Variants in LARGE1 observed in about 807,000 individuals in gnomAD.
LARGE1 encodes xylosyl- and glucuronyltransferase LARGE1.
Under a neutral mutation model 87.6 loss-of-function variants are expected in LARGE1, and 43 were observed. That is an observed-to-expected ratio of 0.49 (90% CI 0.38 to 0.63). The LOEUF is 0.63. Among genes scored for constraint, LARGE1 ranks in the 30% least tolerant of loss-of-function variants. The probability of loss-of-function intolerance (pLI) is 0.00; values close to 1 mark genes in which losing one functional copy is unlikely to be tolerated. For missense variants in LARGE1, 802 were observed against 1,000.2 expected (o/e 0.80, Z 2.67); for synonymous variants, 434 against 394.6 (o/e 1.10, Z -1.18).
intron 2 of LARGE1, among the ~76,000 whole-genome samples, chr22:33,711,245 A>T (rs1337893860): frequency 6.6e-6 from 1 of 152,146 alleles, no homozygotes; most frequent in African/African-American, 2.4e-5. Context: ...ATGTTTTGTA[A>T]CCTGCTGGAG....
At chr22:33,249,812 T>C (rs1290853858) in intron 11 of LARGE1, among the ~76,000 whole-genome samples, 2 of 152,240 alleles carry the variant, frequency 1.3e-5, no homozygotes, top group Non-Finnish European at 2.9e-5. Flanking sequence ...CTCTGTTGTA[T>C]TGTACTTGCT....
At chr22:33,074,016 C>T in the LARGE1 span, among the ~76,000 whole-genome samples, 3 of 152,174 alleles carry the variant, frequency 2.0e-5, no homozygotes, top group Non-Finnish European at 4.4e-5. Context: ...TTAAACTCAT[C>T]CGGGCTTATT....
intron 5 of LARGE1, among the ~76,000 whole-genome samples, chr22:33,575,055 G>A (rs1233318045): frequency 6.6e-6 from 1 of 152,096 alleles, no homozygotes; most frequent in East Asian, 1.9e-4. Flanking sequence ...CTATTGAGAG[G>A]TTACAATTCA....
chr22:33,428,267 A>AAAC (rs1195310951), intron 7 of LARGE1, among the ~76,000 whole-genome samples: 1 of 151,974 alleles, frequency 6.6e-6, no homozygotes, highest in East Asian at 1.9e-4. Flanking sequence ...TAGGCTCATT[A>AAAC]AACAAGTTAC....
rs186995489 is a variant in LARGE1 at position 33,343,163 on chromosome 22, G to T, written c.1132-5362C>A. On this transcript the variant is annotated intron_variant, in intron 9 of 14. Transcript: ENST00000397394. The stretch of plus-strand genomic sequence containing the variant: ...TTGTTTTAGAGACAGGGTCTATGCT[G>T]TATCACCCAGGCTGGAGTACAGTGG... Among the ~76,000 whole-genome samples the T allele has an allele frequency of 3.9e-5, 6 of 152,182 alleles. No individual in the cohort carries two copies. In the East Asian group the frequency reaches 1.2e-3, roughly 29 times the overall value.
intron 13 of LARGE1, among the ~76,000 whole-genome samples, chr22:33,280,458 T>C (rs990994457): frequency 3.3e-5 from 5 of 152,210 alleles, no homozygotes; most frequent in Admixed American, 1.3e-4. Context: ...ACCTTTAGAA[T>C]CTAAACTCTC....
At chr22:33,648,585 A>G (rs1321016032) in intron 3 of LARGE1, among the ~76,000 whole-genome samples, 1 of 152,228 alleles carries the variant, frequency 6.6e-6, no homozygotes, top group Non-Finnish European at 1.5e-5. Flanking sequence ...AGGCAAGAAC[A>G]GAAGATCCCT....
intron 7 of LARGE1, among the ~76,000 whole-genome samples, chr22:33,400,544 C>G (rs1053455448): frequency 2.6e-5 from 4 of 152,196 alleles, no homozygotes; most frequent in Non-Finnish European, 5.9e-5. Context: ...CTGCCTCTCT[C>G]TATCAGTCTG....
intron 2 of LARGE1, among the ~76,000 whole-genome samples, chr22:33,660,424 GAATA>G (rs1327901371): frequency 6.6e-6 from 1 of 152,178 alleles, no homozygotes; most frequent in Non-Finnish European, 1.5e-5. Context: ...TAGAAAAGGT[GAATA>G]GATATTCACC....
rs1382326777 is a variant in LARGE1, at chr22:33,432,280, G to A, written c.788-15C>T. ...GACTTGCTGACCTGTGAGGTACAGA[G>A]AATACAAACATCTTAAAAGGAGAAG... On this transcript the variant is annotated splice_polypyrimidine_tract_variant and intron_variant, in intron 6 of 14. Coordinates refer to ENST00000397394, the MANE Select transcript of LARGE1 (RefSeq NM_133642.5). 3 of 1,595,164 alleles carry A rather than the reference G, an allele frequency of 1.9e-6. No homozygotes were observed. The highest frequency in any genetic ancestry group is 4.5e-5 in the East Asian group (2 of 44,780).
chr22:33,365,466 A>G (rs1322210184), intron 9 of LARGE1, among the ~76,000 whole-genome samples: 1 of 152,062 alleles, frequency 6.6e-6, no homozygotes, highest in Non-Finnish European at 1.5e-5. Context: ...ATATCTTTTC[A>G]TGTGTTTATT....
the LARGE1 span, among the ~76,000 whole-genome samples, chr22:33,117,950 CA>C: frequency 6.6e-6 from 1 of 152,144 alleles, no homozygotes; most frequent in Non-Finnish European, 1.5e-5. Flanking sequence ...AAAATGGTCT[CA>C]GTTAAGGAGT....
At chr22:33,387,798 G>A (rs901289894) in intron 7 of LARGE1, among the ~76,000 whole-genome samples, 4 of 152,120 alleles carry the variant, frequency 2.6e-5, no homozygotes, top group Admixed American at 6.5e-5. Flanking sequence ...TTAAAATTAT[G>A]AACTATTTCA....
At chr22:33,533,691 A>G (rs2076960757) in intron 6 of LARGE1, among the ~76,000 whole-genome samples, 1 of 152,202 alleles carries the variant, frequency 6.6e-6, no homozygotes, top group African/African-American at 2.4e-5. Context: ...AAGTCATCTA[A>G]AAGAACCTAG....
At chr22:33,824,193 A>G (rs2062716313) in intron 1 of LARGE1, among the ~76,000 whole-genome samples, 1 of 152,182 alleles carries the variant, frequency 6.6e-6, no homozygotes, top group Non-Finnish European at 1.5e-5. Flanking sequence ...GATTTACTAT[A>G]TTAGTCCAGT....
chr22:33,271,606 TA>T (rs1256694089), downstream of LARGE1, among the ~76,000 whole-genome samples: 2 of 152,248 alleles, frequency 1.3e-5, no homozygotes, highest in Non-Finnish European at 2.9e-5. Context: ...GTGACACATT[TA>T]AAGGCCTGTT....
At chr22:33,333,978 C>T (rs941676819) in intron 10 of LARGE1, among the ~76,000 whole-genome samples, 5 of 151,824 alleles carry the variant, frequency 3.3e-5, no homozygotes, top group South Asian at 2.1e-4. Context: ...AAAAGTTAGC[C>T]GGGTATGGTG....
intron 2 of LARGE1, among the ~76,000 whole-genome samples, chr22:33,664,917 T>C (rs2081225891): frequency 6.6e-6 from 1 of 152,144 alleles, no homozygotes; most frequent in Non-Finnish European, 1.5e-5. Context: ...CACATGTCTA[T>C]CCTGTTCGAA....
chr22:33,716,123 T>C (rs1378854866), intron 2 of LARGE1, among the ~76,000 whole-genome samples: 1 of 152,230 alleles, frequency 6.6e-6, no homozygotes, highest in Non-Finnish European at 1.5e-5. Flanking sequence ...GAAACAGTGA[T>C]AAGCCTTCAA....
Sources: gnomAD v4.1 joint callset for allele counts (sites outside exome capture counted in the v4.1 genomes callset) on GRCh38, gnomAD v4.1.1 for gene constraint, MANE v1.5 for transcripts, NCBI Gene and HGNC (gene_info 2026-07-23, HGNC 2026-07-21) for gene names.